ZNF365: variants seen among roughly 807,000 people sequenced by gnomAD.
ZNF365 encodes the protein zinc finger protein 365.
ZNF365 carries 22 observed loss-of-function variants against 35.0 expected under a neutral mutation model. That is an observed-to-expected ratio of 0.63 (90% CI 0.45 to 0.90). The LOEUF (loss-of-function observed/expected upper bound fraction) is 0.90, where lower values mean the gene tolerates loss of function less well. ZNF365 is among the 40% of genes least tolerant of loss of function. The pLI is 0.00. For synonymous variants in ZNF365, 188 were observed against 196.2 expected (o/e 0.96, Z 0.35); for missense variants, 448 against 500.3 (o/e 0.90, Z 1.00).
intron 4 of ZNF365, among the ~76,000 whole-genome samples, chr10:62,478,570 T>G (rs1841169688): frequency 6.6e-6 from 1 of 152,182 alleles, no homozygotes; most frequent in African/African-American, 2.4e-5. Flanking sequence ...GTGTCATTTT[T>G]TTGTTTGTTG....
intron 3 of ZNF365, among the ~76,000 whole-genome samples, chr10:62,424,470 A>C (rs1840221993): frequency 6.6e-6 from 1 of 152,214 alleles, no homozygotes; most frequent in Non-Finnish European, 1.5e-5. Context: ...ATAATTGAGA[A>C]AATAGTCATT....
chr10:62,439,930 C>T (rs1317620027), intron 3 of ZNF365, among the ~76,000 whole-genome samples: 2 of 152,142 alleles, frequency 1.3e-5, no homozygotes, highest in African/African-American at 2.4e-5. Flanking sequence ...GTGCTTGAGA[C>T]AGAGTGGTGG....
At chr10:62,431,198 A>G (rs959569448) in intron 3 of ZNF365, among the ~76,000 whole-genome samples, 1 of 152,236 alleles carries the variant, frequency 6.6e-6, no homozygotes, top group Non-Finnish European at 1.5e-5. Context: ...CTAGAAGTAA[A>G]GAAACACAGT....
chr10:62,403,470 A>G (rs1158892560), downstream of ZNF365, among the ~76,000 whole-genome samples: 1 of 152,176 alleles, frequency 6.6e-6, no homozygotes, highest in Non-Finnish European at 1.5e-5. Context: ...CATCCTGGCT[A>G]ACATGGTGAA....
intron 3 of ZNF365, among the ~76,000 whole-genome samples, chr10:62,456,400 A>T (rs1019108806): frequency 1.3e-5 from 2 of 152,164 alleles, no homozygotes; most frequent in African/African-American, 4.8e-5. Flanking sequence ...CATGCCGTGT[A>T]AGATGAGAAA....
intron 4 of ZNF365, among the ~76,000 whole-genome samples, chr10:62,467,879 G>T (rs949524743): frequency 8.5e-5 from 13 of 152,244 alleles, no homozygotes; most frequent in Non-Finnish European, 1.8e-4. Flanking sequence ...GTTTGCATTT[G>T]CATGGCTCTG....
At chr10:62,455,836 A>G (rs1009335434) in intron 3 of ZNF365, among the ~76,000 whole-genome samples, 11 of 152,230 alleles carry the variant, frequency 7.2e-5, no homozygotes, top group African/African-American at 2.2e-4. Context: ...AGAAAGATCA[A>G]TGTGACTTAC....
At chr10:62,455,932 C>T (rs1431967174) in intron 3 of ZNF365, among the ~76,000 whole-genome samples, 1 of 152,140 alleles carries the variant, frequency 6.6e-6, no homozygotes, top group Non-Finnish European at 1.5e-5. Context: ...ACCATGAAAT[C>T]GTGATGGGGC....
rs933324739 is a variant in ZNF365, at chr10:62,400,832, A to C, written c.*1043A>C. 4.1e-6 allele frequency: 4 copies of C among 985,318 alleles called. No homozygotes were observed. The highest frequency in any genetic ancestry group is 3.6e-6 in the Non-Finnish European group (3 of 829,956). 61.0% of individuals were successfully genotyped at this position (985,318 alleles called of 1,614,324 possible). A position where few individuals can be genotyped will look rare whatever the true frequency, so the allele number is the denominator to read the frequency against. On this transcript the variant is annotated 3_prime_UTR_variant, in exon 5 of 5. Transcript: ENST00000395254. ...GCTTCTGTGCCCTGTTAAGGGCTTCAGGTATCTTTCAACCAAGTATCTGGA... is the reference window on the plus strand; with the variant it reads ...GCTTCTGTGCCCTGTTAAGGGCTTCCGGTATCTTTCAACCAAGTATCTGGA...
At chr10:62,479,435 AGTG>A (rs1247167132) in intron 4 of ZNF365, among the ~76,000 whole-genome samples, 1 of 152,252 alleles carries the variant, frequency 6.6e-6, no homozygotes, top group Admixed American at 6.5e-5. Context: ...GAAGATAAAA[AGTG>A]GTGTGTACAA....
At chr10:62,460,617 G>A (rs1840832236) in intron 4 of ZNF365, among the ~76,000 whole-genome samples, 1 of 152,188 alleles carries the variant, frequency 6.6e-6, no homozygotes, top group Non-Finnish European at 1.5e-5. Flanking sequence ...GGGGACTACT[G>A]TATAGAAAAT....
chr10:62,403,034 C>A (rs1467177720), downstream of ZNF365, among the ~76,000 whole-genome samples: 3 of 152,132 alleles, frequency 2.0e-5, no homozygotes, highest in Admixed American at 2.0e-4. Context: ...GACATCGACT[C>A]CTGCGTAATT....
At chr10:62,447,996 G>A (rs1840617992) in intron 3 of ZNF365, among the ~76,000 whole-genome samples, 1 of 152,104 alleles carries the variant, frequency 6.6e-6, no homozygotes, top group South Asian at 2.1e-4. Context: ...ACTGTATCGT[G>A]AACACCCGCC....
chr10:62,400,404 CGTTT>C lies in ZNF365; in HGVS notation c.*621_*624del. 1 of 986,012 alleles carries C rather than the reference CGTTT, an allele frequency of 1.0e-6. No homozygotes were observed. Among genetic ancestry groups the C allele is most frequent in the Middle Eastern group, 5.2e-4 (1 of 1,914 alleles). The allele number at this position is 986,012 out of a possible 1,614,324, so 61.1% of individuals were successfully genotyped here. A position where few individuals can be genotyped will look rare whatever the true frequency, so the allele number is the denominator to read the frequency against. ...CATTCCGACAGGGTGTCTTTCAGTTCGTTTGTTTGATTGAGGTTTTTTGGTGGCC... is the reference window on the plus strand; with the variant it reads ...CATTCCGACAGGGTGTCTTTCAGTTCGTTTGATTGAGGTTTTTTGGTGGCC... On this transcript the variant is annotated 3_prime_UTR_variant, in exon 5 of 5. Transcript: ENST00000395254.
intron 4 of ZNF365, among the ~76,000 whole-genome samples, chr10:62,461,341 C>T (rs933069789): frequency 6.6e-6 from 1 of 152,170 alleles, no homozygotes; most frequent in South Asian, 2.1e-4. Flanking sequence ...TGCCCCCAGT[C>T]GGAGGGGGAG....
At chr10:62,407,021 A>G (rs1163687568), downstream of ZNF365, among the ~76,000 whole-genome samples, 4 of 152,204 alleles carry the variant, frequency 2.6e-5, no homozygotes, top group South Asian at 2.1e-4. Flanking sequence ...GAGAAAAACT[A>G]CAACAGTATG....
Position 62,375,262 on chromosome 10 carries a change from T to C in ZNF365, c.-14+804T>C, listed in dbSNP as rs12264687. Reference sequence around the variant, plus strand: ...AGAACTTCCTGTTATTAAGAGAGTATGCTGATACCTACCTGGTTCACACAC... The same window carrying C: ...AGAACTTCCTGTTATTAAGAGAGTACGCTGATACCTACCTGGTTCACACAC... On this transcript the variant is annotated intron_variant, in intron 1 of 4. Coordinates refer to ENST00000395254, the MANE Select transcript of ZNF365 (RefSeq NM_014951.3). Among the ~76,000 whole-genome samples, 1,444 of 152,300 alleles carry C rather than the reference T, an allele frequency of 9.5e-3. 23 individuals are homozygous for C. Among genetic ancestry groups the C allele is most frequent in the African/African-American group, 0.032 (1,339 of 41,560 alleles).
chr10:62,461,064 A>C (rs1840839236), intron 4 of ZNF365, among the ~76,000 whole-genome samples: 1 of 152,136 alleles, frequency 6.6e-6, no homozygotes, highest in Non-Finnish European at 1.5e-5. Flanking sequence ...ATTCAGACTC[A>C]ACTCCTCCAC....
At chr10:62,396,882 C>A (rs1426185780) in intron 3 of ZNF365, among the ~76,000 whole-genome samples, 1 of 152,006 alleles carries the variant, frequency 6.6e-6, no homozygotes, top group Non-Finnish European at 1.5e-5. Context: ...TTTTGTTATG[C>A]TCTAATAATT....
Sources: allele counts gnomAD v4.1 joint callset (sites outside exome capture counted in the v4.1 genomes callset), GRCh38; gene constraint gnomAD v4.1.1; transcripts MANE v1.5; gene names NCBI Gene and HGNC (gene_info 2026-07-23, HGNC 2026-07-21).